The following ZNF398 variants were observed in gnomAD, a reference collection of about 807,000 sequenced individuals.
ZNF398 encodes the protein zinc finger DNA binding protein ZER6.
ZNF398 carries 18 observed loss-of-function variants against 41.9 expected under a neutral mutation model. The ratio of observed to expected loss-of-function variants is 0.43; its 90% CI spans 0.30 to 0.64. The LOEUF is 0.64. Ranked by LOEUF, ZNF398 falls within the 30% of genes least tolerant of loss-of-function variation. The probability of loss-of-function intolerance (pLI) is 0.14; values close to 1 mark genes in which losing one functional copy is unlikely to be tolerated. For synonymous variants in ZNF398, 260 were observed against 308.8 expected (o/e 0.84, Z 1.66); for missense variants, 669 against 822.8 (o/e 0.81, Z 2.29).
chr7:149,133,581 C>G (rs1185202711), intron 2 of ZNF398, among the ~76,000 whole-genome samples: 1 of 149,860 alleles, frequency 6.7e-6, no homozygotes, highest in Non-Finnish European at 1.5e-5. Flanking sequence ...TCTGCCTGCC[C>G]CAGCTTCCCA....
In ZNF398 at chr7:149,179,973, C is replaced by A; in HGVS notation, c.*172C>A. ...ATGCTTGTGTTTTGGAATTTCACACCCTTACAAGAATACCACATTTTGAAA... is the reference window on the plus strand; with the variant it reads ...ATGCTTGTGTTTTGGAATTTCACACACTTACAAGAATACCACATTTTGAAA... On this transcript the variant is annotated 3_prime_UTR_variant, in exon 6 of 6. Transcript: ENST00000475153. This position sits in a 1 kb window ranked among gnomAD's most constrained non-coding sequence, Gnocchi z 6.1. The A allele has an allele frequency of 3.4e-6, 2 of 583,118 alleles. No individual in the cohort carries two copies. Among genetic ancestry groups the A allele is most frequent in the Non-Finnish European group, 5.6e-6 (2 of 356,652 alleles). The allele number at this position is 583,118 out of a possible 1,614,324, so 36.1% of individuals were successfully genotyped here. A position where few individuals can be genotyped will look rare whatever the true frequency, so the allele number is the denominator to read the frequency against.
Position 149,181,306 on chromosome 7 carries a change from A to G in ZNF398, c.*1505A>G, listed in dbSNP as rs1485689429. On this transcript the variant is annotated 3_prime_UTR_variant, in exon 6 of 6. Coordinates refer to ENST00000475153, the MANE Select transcript of ZNF398 (RefSeq NM_170686.3). ...GATAAATTCTTGTTGAAACTTGACT[A>G]AAATTTATTTGATTTGTTGTTTTAC... The G allele has an allele frequency of 1.3e-5, 2 of 151,750 alleles. No homozygotes were observed. The highest frequency in any genetic ancestry group is 2.9e-5 in the Non-Finnish European group (2 of 68,044). 9.4% of individuals were successfully genotyped at this position (151,750 alleles called of 1,614,324 possible).
At chr7:149,154,877 C>A (rs1472766661) in intron 2 of ZNF398, among the ~76,000 whole-genome samples, 1 of 151,220 alleles carries the variant, frequency 6.6e-6, no homozygotes, top group Non-Finnish European at 1.5e-5. Context: ...TAATCCTAGC[C>A]ACTCGGGAGG....
chr7:149,136,971 A>T (rs775192122), intron 2 of ZNF398, among the ~76,000 whole-genome samples: 24 of 148,984 alleles, frequency 1.6e-4, no homozygotes, highest in Non-Finnish European at 2.1e-4. Context: ...GGTTCAAGTG[A>T]TTCTCTTGCC....
At chr7:149,161,930 A>G (rs1022080523) in intron 2 of ZNF398, among the ~76,000 whole-genome samples, 2 of 152,216 alleles carry the variant, frequency 1.3e-5, no homozygotes, top group African/African-American at 4.8e-5. Context: ...TGCTATAAAC[A>G]TACATTTCTT....
At chr7:149,140,842 C>A (rs1009460809) in intron 2 of ZNF398, among the ~76,000 whole-genome samples, 2 of 151,952 alleles carry the variant, frequency 1.3e-5, no homozygotes, top group South Asian at 2.1e-4. Context: ...GAGTTGGAGA[C>A]CAGCTTGGGC....
intron 2 of ZNF398, among the ~76,000 whole-genome samples, chr7:149,162,821 G>A (rs1795139113): frequency 1.3e-5 from 2 of 151,820 alleles, no homozygotes; most frequent in African/African-American, 4.8e-5. Flanking sequence ...ACTTTGGGAG[G>A]CCGAGGTGGG....
At chr7:149,159,921 TC>T (rs1795069747) in intron 2 of ZNF398, among the ~76,000 whole-genome samples, 2 of 151,852 alleles carry the variant, frequency 1.3e-5, no homozygotes, top group African/African-American at 4.8e-5. Flanking sequence ...AGATGGGGTT[TC>T]CCCATGTTGG....
chr7:149,163,258 G>A (rs946118785), intron 2 of ZNF398, among the ~76,000 whole-genome samples: 1 of 152,166 alleles, frequency 6.6e-6, no homozygotes, highest in African/African-American at 2.4e-5. Flanking sequence ...AGGCTGGAGT[G>A]CAGTGGCGTG....
intron 2 of ZNF398, among the ~76,000 whole-genome samples, chr7:149,133,753 T>A (rs1826653957): frequency 7.3e-6 from 1 of 137,718 alleles, no homozygotes; most frequent in African/African-American, 2.8e-5. Flanking sequence ...ACCTTCAGAT[T>A]TTTTTTTTTT....
chr7:149,148,026 A>C, intron 1 of ZNF398: 2 of 377,922 alleles, frequency 5.3e-6, no homozygotes, highest in Non-Finnish European at 9.3e-6. Context: ...GGGGCCCTGC[A>C]GTTGGGTTGA....
In ZNF398 at chr7:149,154,030, A is replaced by G. The variant is rs1437180799; in HGVS notation, c.110A>G (p.Gln37Arg). 2.5e-6 allele frequency: 4 copies of G among 1,614,084 alleles called. No individual in the cohort carries two copies. In the Admixed American group the frequency reaches 5.0e-5, roughly 20 times the overall value. Reference sequence around the variant, plus strand: ...CCAGCAGCAAATGAGGCACACCTGCAGACAGCAGCTATCTCTCTGTGGACA... The same window carrying G: ...CCAGCAGCAAATGAGGCACACCTGCGGACAGCAGCTATCTCTCTGTGGACA... ...TPPAANEAHL[Q>R]TAAISLWTVV... Residue 37 changes from glutamine to arginine, a missense_variant, in exon 2 of 6, where the codon CAG (glutamine) becomes CGG (arginine). By Grantham distance (43) the Gln-to-Arg change is conservative. This residue lies in a region of ZNF398 where 169 missense variants were observed against 239.5 expected (regional missense o/e 0.71). Transcript: ENST00000475153.
intron 4 of ZNF398, among the ~76,000 whole-genome samples, chr7:149,170,908 A>AT (rs1295180348): frequency 2.1e-5 from 3 of 143,314 alleles, no homozygotes. Context: ...TTATAGAAAC[A>AT]TTTTTTCTTT....
chr7:149,143,384 C>G (rs192799373), upstream of ZNF398, among the ~76,000 whole-genome samples: 86 of 152,208 alleles, frequency 5.7e-4, no homozygotes, highest in African/African-American at 1.9e-3. Flanking sequence ...AATTGATGTG[C>G]CATCAGTGTA....
chr7:149,150,286 C>A (rs1827079931), intron 1 of ZNF398, among the ~76,000 whole-genome samples: 1 of 152,114 alleles, frequency 6.6e-6, no homozygotes, highest in South Asian at 2.1e-4. Context: ...GTCAGCATCA[C>A]CTGGGAATTT....
intron 4 of ZNF398, among the ~76,000 whole-genome samples, chr7:149,173,951 C>T (rs762590991): frequency 4.6e-5 from 7 of 152,002 alleles, no homozygotes; most frequent in African/African-American, 1.4e-4. Flanking sequence ...TGCACCACCA[C>T]GCCCAGCTAA....
intron 2 of ZNF398, among the ~76,000 whole-genome samples, chr7:149,162,306 C>T (rs1795125071): frequency 6.6e-6 from 1 of 152,132 alleles, no homozygotes; most frequent in Non-Finnish European, 1.5e-5. Context: ...CGCAGCCTCC[C>T]GAGTAGCTGG....
chr7:149,146,394 TAAAA>T (rs1826943188), upstream of ZNF398, among the ~76,000 whole-genome samples: 2 of 152,050 alleles, frequency 1.3e-5, no homozygotes, highest in African/African-American at 4.8e-5. Flanking sequence ...TACAAATAAA[TAAAA>T]CATTAGCCGG....
chr7:149,161,604 A>G (rs1387458990), intron 2 of ZNF398, among the ~76,000 whole-genome samples: 2 of 152,206 alleles, frequency 1.3e-5, no homozygotes, highest in East Asian at 3.9e-4. Context: ...ACCAAAAACA[A>G]CTAGTTACCA....
Sources: gnomAD v4.1 joint callset for allele counts (sites outside exome capture counted in the v4.1 genomes callset) on GRCh38, gnomAD v4.1.1 for gene constraint, gnomAD v4.1.1 regional missense constraint, Gnocchi (gnomAD v3.1) non-coding constraint, MANE v1.5 for transcripts, NCBI Gene and HGNC (gene_info 2026-07-23, HGNC 2026-07-21) for gene names.